Variants in ADGRL2 observed in about 807,000 individuals in gnomAD.
The protein encoded by ADGRL2 is calcium-independent alpha-latrotoxin receptor 2.
A neutral mutation model predicts 157.4 loss-of-function variants in ADGRL2; 44 were observed. The ratio of observed to expected loss-of-function variants is 0.28; its 90% CI spans 0.22 to 0.36. The LOEUF is 0.36. Ranked by LOEUF, ADGRL2 falls within the 10% of genes least tolerant of loss-of-function variation. The pLI is 1.00. For missense variants in ADGRL2, 1,510 were observed against 1,768.9 expected (o/e 0.85, Z 2.63); for synonymous variants, 585 against 624.7 (o/e 0.94, Z 0.95).
chr1:81,419,154 GTTTC>G (rs72284605), intron 1 of ADGRL2, among the ~76,000 whole-genome samples: 10,133 of 152,132 alleles, frequency 0.067, 508 homozygotes, highest in Middle Eastern at 0.11. Flanking sequence ...CTTCTGGACT[GTTTC>G]TTTATTCAGC....
chr1:81,834,869 A>G (rs1005991717), intron 1 of ADGRL2, among the ~76,000 whole-genome samples: 3 of 152,154 alleles, frequency 2.0e-5, no homozygotes, highest in South Asian at 2.1e-4. Flanking sequence ...CACATTCTCA[A>G]ACCTTCAGAA....
chr1:81,546,586 G>T (rs923709414), intron 2 of ADGRL2, among the ~76,000 whole-genome samples: 2 of 152,140 alleles, frequency 1.3e-5, no homozygotes, highest in Non-Finnish European at 2.9e-5. Context: ...TAATTGATTG[G>T]ATCTTCTTCA....
At chr1:81,775,522 TC>T (rs1368368232) in intron 2 of ADGRL2, among the ~76,000 whole-genome samples, 2 of 150,950 alleles carry the variant, frequency 1.3e-5, no homozygotes, top group Non-Finnish European at 2.9e-5. Context: ...TCTGGGGAGA[TC>T]AAAAGAGACA....
rs2077283648 is a variant in ADGRL2 at position 81,429,642 on chromosome 1, C to T, written c.-301-15394C>T. Reference sequence around the variant, plus strand: ...CTGCTAGCAGCTCTTCAATCTCTTTCTTAAAACAATGGTTTCCATATACCA... The same window carrying T: ...CTGCTAGCAGCTCTTCAATCTCTTTTTTAAAACAATGGTTTCCATATACCA... On this transcript the variant is annotated intron_variant, in intron 1 of 24. Coordinates refer to the ADGRL2 transcript ENST00000370721. 3.3e-5 allele frequency among the ~76,000 whole-genome samples: 5 copies of T among 152,308 alleles called. No homozygotes were observed. The South Asian group carries it at 1.0e-3, about 32-fold the overall frequency.
intron 1 of ADGRL2, among the ~76,000 whole-genome samples, chr1:81,366,034 T>C (rs1309764811): frequency 1.3e-5 from 2 of 152,208 alleles, no homozygotes; most frequent in Non-Finnish European, 2.9e-5. Flanking sequence ...CCTTCTCTTC[T>C]GCTGAATAAG....
chr1:81,566,971 T>G (rs2148478334), intron 2 of ADGRL2, among the ~76,000 whole-genome samples: 1 of 152,280 alleles, frequency 6.6e-6, no homozygotes, highest in African/African-American at 2.4e-5. Flanking sequence ...GCAGCTCAAC[T>G]TTTCACAAAC....
chr1:81,790,044 A>G (rs186371690), intron 2 of ADGRL2, among the ~76,000 whole-genome samples: 5 of 152,196 alleles, frequency 3.3e-5, no homozygotes, highest in East Asian at 1.9e-4. Context: ...ATAACCCTTG[A>G]AAAGTTGAAT....
intron 1 of ADGRL2, among the ~76,000 whole-genome samples, chr1:81,803,731 G>C (rs944876592): frequency 6.6e-6 from 1 of 152,004 alleles, no homozygotes; most frequent in Non-Finnish European, 1.5e-5. Context: ...ACAAAGGCCA[G>C]GTTCTAAGGC....
intron 2 of ADGRL2, among the ~76,000 whole-genome samples, chr1:81,546,937 T>C (rs1475144381): frequency 6.6e-6 from 1 of 152,202 alleles, no homozygotes; most frequent in Non-Finnish European, 1.5e-5. Context: ...CCTTTAGTGA[T>C]ATTCATTCAT....
At chr1:81,424,614 A>T (rs999714081) in intron 1 of ADGRL2, among the ~76,000 whole-genome samples, 4 of 152,242 alleles carry the variant, frequency 2.6e-5, no homozygotes, top group African/African-American at 4.8e-5. Flanking sequence ...TTTATTTCAA[A>T]TATCAATGAG....
At chr1:81,368,887 T>C (rs1015329915) in intron 1 of ADGRL2, among the ~76,000 whole-genome samples, 3 of 152,168 alleles carry the variant, frequency 2.0e-5, no homozygotes, top group African/African-American at 7.2e-5. Flanking sequence ...CTCTTATTTG[T>C]CATCCTTTTT....
chr1:81,887,359 A>G (rs1258362147), intron 2 of ADGRL2, among the ~76,000 whole-genome samples: 3 of 152,214 alleles, frequency 2.0e-5, no homozygotes, highest in Non-Finnish European at 4.4e-5. Context: ...AGTTTAGACT[A>G]GAGCAGTGCT....
At chr1:81,804,894 G>GT (rs1433958852) in intron 1 of ADGRL2, among the ~76,000 whole-genome samples, 3 of 152,128 alleles carry the variant, frequency 2.0e-5, no homozygotes, top group Admixed American at 1.3e-4. Context: ...GTAGGTAACT[G>GT]TTTTTTATGT....
chr1:81,706,188 A>G (rs1281883286), intron 1 of ADGRL2, among the ~76,000 whole-genome samples: 1 of 151,868 alleles, frequency 6.6e-6, no homozygotes, highest in East Asian at 1.9e-4. Context: ...ACAGAACAAG[A>G]CTCCGTTTCA....
At chr1:81,362,503 A>G (rs1354118897) in intron 1 of ADGRL2, among the ~76,000 whole-genome samples, 3 of 151,934 alleles carry the variant, frequency 2.0e-5, no homozygotes, top group African/African-American at 4.8e-5. Flanking sequence ...TTCCTCCACA[A>G]GAAATGAGAA....
intron 2 of ADGRL2, among the ~76,000 whole-genome samples, chr1:81,839,453 A>G (rs957764479): frequency 1.3e-5 from 2 of 151,784 alleles, no homozygotes; most frequent in Non-Finnish European, 2.9e-5. Context: ...TTTAGTGGTG[A>G]TTTTTGAGAT....
chr1:81,744,964 A>AAAT (rs2085196150), intron 1 of ADGRL2, among the ~76,000 whole-genome samples: 1 of 152,182 alleles, frequency 6.6e-6, no homozygotes, highest in Admixed American at 6.6e-5. Context: ...GCACAGAAGG[A>AAAT]AATAATTTGA....
intron 1 of ADGRL2, among the ~76,000 whole-genome samples, chr1:81,432,527 C>A (rs1156440317): frequency 6.6e-6 from 1 of 152,110 alleles, no homozygotes; most frequent in Non-Finnish European, 1.5e-5. Context: ...AAGAAGTACT[C>A]CAGAGGAGAA....
At chr1:81,764,569 A>G (rs1229688525) in intron 2 of ADGRL2, among the ~76,000 whole-genome samples, 1 of 152,086 alleles carries the variant, frequency 6.6e-6, no homozygotes, top group Non-Finnish European at 1.5e-5. Context: ...TGTTTCTCTA[A>G]TTATGTAGCT....
Sources: gnomAD v4.1 joint callset for allele counts (sites outside exome capture counted in the v4.1 genomes callset) on GRCh38, gnomAD v4.1.1 for gene constraint, MANE v1.5 for transcripts, NCBI Gene and HGNC (gene_info 2026-07-23, HGNC 2026-07-21) for gene names.